The following SPMIP2 variants were observed in gnomAD, a reference collection of about 807,000 sequenced individuals.
SPMIP2 encodes protein SPMIP2.
At chr4:159,059,474 G>GCTGT in the SPMIP2 span, among the ~76,000 whole-genome samples, 1 of 152,230 alleles carries the variant, frequency 6.6e-6, no homozygotes. Context: ...CTGGGCTCAA[G>GCTGT]CTGTCCTATG....
At chr4:159,054,394 GA>G in the SPMIP2 span, among the ~76,000 whole-genome samples, 1 of 152,012 alleles carries the variant, frequency 6.6e-6, no homozygotes, top group Non-Finnish European at 1.5e-5. Flanking sequence ...ATCTTGCATG[GA>G]TGCAGGAAAT....
At chr4:159,028,384 G>A in the SPMIP2 span, among the ~76,000 whole-genome samples, 2 of 152,036 alleles carry the variant, frequency 1.3e-5, no homozygotes, top group Non-Finnish European at 2.9e-5. Flanking sequence ...AGGCTGGAGT[G>A]CAGTAGTGTG....
chr4:158,959,712 T>A, the SPMIP2 span, among the ~76,000 whole-genome samples: 1 of 152,222 alleles, frequency 6.6e-6, no homozygotes, highest in South Asian at 2.1e-4. Flanking sequence ...CTCTTAGGAA[T>A]CTGAATCATA....
the SPMIP2 span, chr4:159,007,690 A>G: frequency 7.0e-5 from 50 of 712,716 alleles, no homozygotes; most frequent in South Asian, 5.3e-4. Context: ...GTCTTGGTGC[A>G]CCAGCGAGAT....
the SPMIP2 span, among the ~76,000 whole-genome samples, chr4:159,022,610 G>A: frequency 1.7e-4 from 26 of 152,242 alleles, no homozygotes; most frequent in African/African-American, 5.3e-4. Flanking sequence ...TGGGGTATAG[G>A]GCCTGAGGCT....
At chr4:158,956,115 T>C in the SPMIP2 span, among the ~76,000 whole-genome samples, 1 of 152,266 alleles carries the variant, frequency 6.6e-6, no homozygotes, top group African/African-American at 2.4e-5. Flanking sequence ...TCTATAGGAA[T>C]TGACCTCTAA....
the SPMIP2 span, among the ~76,000 whole-genome samples, chr4:159,058,186 C>CTTTT: frequency 1.4e-5 from 2 of 141,462 alleles, no homozygotes. Flanking sequence ...ATTTGCTGGG[C>CTTTT]TTTTTTTTTT....
At chr4:158,955,601 T>C in the SPMIP2 span, among the ~76,000 whole-genome samples, 1 of 152,170 alleles carries the variant, frequency 6.6e-6, no homozygotes. Flanking sequence ...AGATGGGATT[T>C]CACTACTTTG....
chr4:159,004,174 A>T, the SPMIP2 span, among the ~76,000 whole-genome samples: 1 of 151,044 alleles, frequency 6.6e-6, no homozygotes, highest in Non-Finnish European at 1.5e-5. Context: ...GTGCCAACAC[A>T]CCTGGCTAAT....
At chr4:158,950,205 T>A in the SPMIP2 span, among the ~76,000 whole-genome samples, 3 of 152,260 alleles carry the variant, frequency 2.0e-5, no homozygotes, top group Non-Finnish European at 2.9e-5. Flanking sequence ...CAGAGGCATG[T>A]CATCATTTCT....
chr4:158,938,642 G>C, the SPMIP2 span, among the ~76,000 whole-genome samples: 1 of 152,200 alleles, frequency 6.6e-6, no homozygotes, highest in South Asian at 2.1e-4. Flanking sequence ...GACATTGCTG[G>C]TTGCCCTTAT....
chr4:158,975,766 G>T, the SPMIP2 span, among the ~76,000 whole-genome samples: 1 of 152,144 alleles, frequency 6.6e-6, no homozygotes, highest in Non-Finnish European at 1.5e-5. Flanking sequence ...GCTTAGGATG[G>T]TCTTGGCTAT....
the SPMIP2 span, among the ~76,000 whole-genome samples, chr4:159,004,828 C>T: frequency 6.6e-6 from 1 of 151,956 alleles, no homozygotes; most frequent in Non-Finnish European, 1.5e-5. Context: ...GTTATATGAC[C>T]TGGTATTAAA....
the SPMIP2 span, among the ~76,000 whole-genome samples, chr4:158,929,239 C>T: frequency 1.3e-5 from 2 of 152,156 alleles, no homozygotes; most frequent in Admixed American, 6.5e-5. Flanking sequence ...GCTGGTCCCA[C>T]GCTCCTGGCC....
chr4:158,980,502 G>A, the SPMIP2 span, among the ~76,000 whole-genome samples: 1 of 152,246 alleles, frequency 6.6e-6, no homozygotes, highest in South Asian at 2.1e-4. Context: ...AGCTTACAGA[G>A]GAAGGAACAG....
the SPMIP2 span, among the ~76,000 whole-genome samples, chr4:158,966,878 A>T: frequency 6.6e-6 from 1 of 152,196 alleles, no homozygotes; most frequent in African/African-American, 2.4e-5. Context: ...ATTTGCCAAT[A>T]ATCTTCTAGA....
At chr4:158,992,749 G>A in the SPMIP2 span, among the ~76,000 whole-genome samples, 2 of 152,202 alleles carry the variant, frequency 1.3e-5, no homozygotes, top group Non-Finnish European at 2.9e-5. Context: ...AGGAACACCA[G>A]GTCCCAACAG....
At chr4:158,912,251 AG>A in the SPMIP2 span, among the ~76,000 whole-genome samples, 1 of 152,228 alleles carries the variant, frequency 6.6e-6, no homozygotes, top group Non-Finnish European at 1.5e-5. Context: ...AATGTATATA[AG>A]AATGATACAT....
chr4:159,064,323 G>A, the SPMIP2 span: 1 of 152,096 alleles, frequency 6.6e-6, no homozygotes, highest in Non-Finnish European at 1.5e-5. Context: ...GCAGTAGTGA[G>A]AAGAGGAGAA....
Sources: allele counts gnomAD v4.1 joint callset (sites outside exome capture counted in the v4.1 genomes callset), GRCh38; gene constraint gnomAD v4.1.1; transcripts MANE v1.5; gene names NCBI Gene and HGNC (gene_info 2026-07-23, HGNC 2026-07-21).